TFPI: variants seen among roughly 807,000 people sequenced by gnomAD.
The protein encoded by TFPI is anti-convertin.
A neutral mutation model predicts 34.6 loss-of-function variants in TFPI; 15 were observed. That is an observed-to-expected ratio of 0.43 (90% CI 0.29 to 0.67). The LOEUF is 0.67. Among genes scored for constraint, TFPI ranks in the 30% least tolerant of loss-of-function variants. The pLI, the probability that TFPI is intolerant of heterozygous loss-of-function variation, is 0.15. For synonymous variants in TFPI, 105 were observed against 120.1 expected (o/e 0.87, Z 0.82); for missense variants, 301 against 364.0 (o/e 0.83, Z 1.41).
chr2:187,508,425 T>G (rs935267140), intron 1 of TFPI, among the ~76,000 whole-genome samples: 3 of 152,212 alleles, frequency 2.0e-5, no homozygotes, highest in Non-Finnish European at 2.9e-5. Flanking sequence ...TCAATATTGA[T>G]TCTTCCTATC....
intron 3 of TFPI, among the ~76,000 whole-genome samples, chr2:187,488,820 G>T (rs143423409): frequency 5.9e-5 from 9 of 151,418 alleles, no homozygotes; most frequent in African/African-American, 2.2e-4. Context: ...CCCCTGCTTC[G>T]TTGTCTCAAT....
In TFPI at chr2:187,465,283, T is replaced by C. The variant is rs7595810; in HGVS notation, c.*1653A>G. 0.04 allele frequency: 6,078 copies of C among 152,074 alleles called. 180 individuals carry two copies. Among genetic ancestry groups the C allele is most frequent in the South Asian group, 0.12 (569 of 4,808 alleles). The allele number at this position is 152,074 out of a possible 1,614,324, so 9.4% of individuals were successfully genotyped here. On this transcript the variant is annotated 3_prime_UTR_variant, in exon 8 of 8. Coordinates refer to ENST00000233156, the MANE Select transcript of TFPI (RefSeq NM_006287.6). ...ACTTTGGGAGGCTGGGGCTGGAAGA[T>C]TGCTTGAGCCCAGGTGTTCAAGACA... is the stretch of plus-strand genomic sequence containing the variant.
chr2:187,483,760 G>A (rs1693049134), intron 6 of TFPI, among the ~76,000 whole-genome samples: 1 of 151,842 alleles, frequency 6.6e-6, no homozygotes, highest in East Asian at 1.9e-4. Flanking sequence ...AAGCACTTTA[G>A]ACTGCGTTTG....
chr2:187,501,527 T>A (rs1251215787), intron 2 of TFPI, among the ~76,000 whole-genome samples: 1 of 152,128 alleles, frequency 6.6e-6, no homozygotes, highest in Non-Finnish European at 1.5e-5. Context: ...CAAACACATG[T>A]ACCTTTTGCC....
intron 2 of TFPI, among the ~76,000 whole-genome samples, chr2:187,498,956 A>G (rs919169855): frequency 4.6e-5 from 7 of 152,000 alleles, no homozygotes; most frequent in Admixed American, 6.6e-5. Flanking sequence ...GTTATATTCA[A>G]TTGACAAAAT....
Position 187,537,231 on chromosome 2 carries a change from C to G in TFPI, c.-3+16969G>C, listed in dbSNP as rs193286911. Among the ~76,000 whole-genome samples, 336 of 152,088 alleles carry G rather than the reference C, an allele frequency of 2.2e-3. 1 individual carries two copies. Among genetic ancestry groups the G allele is most frequent in the Non-Finnish European group, 2.8e-3 (193 of 67,952 alleles). ...TACTTTCTTCACATATTAGAAAAAG[C>G]AAACTACTTTAAATTTCATATGGAA... On this transcript the variant is annotated intron_variant, in intron 1 of 7. Transcript: ENST00000233156.
At chr2:187,536,380 T>C (rs551323018) in intron 1 of TFPI, among the ~76,000 whole-genome samples, 2 of 152,210 alleles carry the variant, frequency 1.3e-5, no homozygotes, top group South Asian at 4.2e-4. Context: ...AAAAAGCTTA[T>C]CCCCCACCAT....
intron 1 of TFPI, chr2:187,514,632 T>C (rs1686869421): frequency 6.6e-6 from 1 of 152,214 alleles, no homozygotes; most frequent in Non-Finnish European, 1.5e-5. Context: ...TGTGGTGGTA[T>C]TGTGGTGGAC....
chr2:187,495,122 C>G (rs1257715225), intron 3 of TFPI, among the ~76,000 whole-genome samples: 1 of 152,162 alleles, frequency 6.6e-6, no homozygotes, highest in East Asian at 1.9e-4. Context: ...GCAAGGCTAT[C>G]ACTGATGAGC....
At chr2:187,503,255 C>T (rs1476043906) in intron 2 of TFPI, among the ~76,000 whole-genome samples, 3 of 151,968 alleles carry the variant, frequency 2.0e-5, no homozygotes, top group Admixed American at 1.3e-4. Flanking sequence ...GCTGAAACCT[C>T]AGATGTCTGA....
intron 1 of TFPI, among the ~76,000 whole-genome samples, chr2:187,522,662 T>A (rs1304951721): frequency 2.1e-5 from 3 of 145,438 alleles, no homozygotes; most frequent in Admixed American, 7.1e-5. Context: ...GGTGGGTGGA[T>A]CACGAGGTCA....
chr2:187,471,658 CT>C (rs978097223), intron 6 of TFPI, among the ~76,000 whole-genome samples: 12 of 146,072 alleles, frequency 8.2e-5, no homozygotes, highest in South Asian at 2.2e-4. Context: ...TCAGGGTACA[CT>C]TTTTTTTTTA....
intron 6 of TFPI, among the ~76,000 whole-genome samples, chr2:187,470,670 A>G (rs1456785528): frequency 6.6e-6 from 1 of 152,198 alleles, no homozygotes; most frequent in African/African-American, 2.4e-5. Context: ...AAGCCAGAGG[A>G]GAAAGTTCCC....
At chr2:187,510,849 C>T (rs542534406) in intron 1 of TFPI, among the ~76,000 whole-genome samples, 5 of 152,250 alleles carry the variant, frequency 3.3e-5, no homozygotes, top group African/African-American at 7.2e-5. Flanking sequence ...TTGGGGAGCT[C>T]GGCTTTTGAG....
intron 1 of TFPI, among the ~76,000 whole-genome samples, chr2:187,511,694 G>T (rs1396050072): frequency 6.6e-6 from 1 of 152,134 alleles, no homozygotes; most frequent in Non-Finnish European, 1.5e-5. Context: ...AAGGTAACCT[G>T]TAAGCCAGGG....
intron 5 of TFPI, 100 bp downstream of exon 5, chr2:187,484,711 A>T (rs1693131921): frequency 9.3e-7 from 1 of 1,072,664 alleles, no homozygotes; most frequent in South Asian, 1.8e-5. Context: ...CTTCATTTGC[A>T]TGGCTCAAAC....
chr2:187,544,904 C>G (rs1376122726), intron 1 of TFPI, among the ~76,000 whole-genome samples: 1 of 152,120 alleles, frequency 6.6e-6, no homozygotes, highest in Admixed American at 6.5e-5. Context: ...CACCTCAGGT[C>G]AGGAGTTTAA....
Position 187,480,073 on chromosome 2 carries a change from ACATT to A in TFPI, c.628+4047_628+4050del, listed in dbSNP as rs765306257. ...TAATCTCAACTTGTTTCTAATGAACACATTCAAACTCTTCGAGTTTCCATATATG... is the reference window on the plus strand; with the variant it reads ...TAATCTCAACTTGTTTCTAATGAACACAAACTCTTCGAGTTTCCATATATG... On this transcript the variant is annotated intron_variant, in intron 6 of 7. Transcript: ENST00000233156. 8.5e-4 allele frequency among the ~76,000 whole-genome samples: 130 copies of A among 152,210 alleles called. 2 individuals are homozygous for A. The highest frequency in any genetic ancestry group is 2.5e-3 in the Admixed American group (38 of 15,274).
Position 187,554,365 on chromosome 2 carries a change from T to C in TFPI, c.-168A>G, listed in dbSNP as rs547987723. 3.3e-5 allele frequency: 5 copies of C among 152,294 alleles called. No homozygotes were observed. In the South Asian group the frequency reaches 1.0e-3, roughly 32 times the overall value. The allele number at this position is 152,294 out of a possible 1,614,324, so 9.4% of individuals were successfully genotyped here. A position where few individuals can be genotyped will look rare whatever the true frequency, so the allele number is the denominator to read the frequency against. On this transcript the variant is annotated 5_prime_UTR_variant, in exon 1 of 8. Coordinates refer to ENST00000233156, the MANE Select transcript of TFPI (RefSeq NM_006287.6). Reference sequence around the variant, plus strand: ...TGAAGAGTAACTGAAAGAAACGCAATCTGATCTTACTAGCAGTGAAAGAGC... The same window carrying C: ...TGAAGAGTAACTGAAAGAAACGCAACCTGATCTTACTAGCAGTGAAAGAGC...
Sources: gnomAD v4.1 joint callset for allele counts (sites outside exome capture counted in the v4.1 genomes callset) on GRCh38, gnomAD v4.1.1 for gene constraint, MANE v1.5 for transcripts, NCBI Gene and HGNC (gene_info 2026-07-23, HGNC 2026-07-21) for gene names.